The following ZFAND4 variants were observed in gnomAD, a reference collection of about 807,000 sequenced individuals.
The protein encoded by ZFAND4 is AN1-type zinc finger protein 4.
In ZFAND4, 43 loss-of-function variants were observed where a neutral mutation model predicts 64.4. The ratio of observed to expected loss-of-function variants is 0.67; its 90% CI spans 0.52 to 0.86. The LOEUF (loss-of-function observed/expected upper bound fraction) is 0.86. Among genes scored for constraint, ZFAND4 ranks in the 40% least tolerant of loss-of-function variants. The probability of loss-of-function intolerance (pLI) is 0.00; values close to 1 mark genes in which losing one functional copy is unlikely to be tolerated. For missense variants in ZFAND4, 929 were observed against 859.8 expected (o/e 1.08, Z -1.01); for synonymous variants, 296 against 305.7 (o/e 0.97, Z 0.33).
At position 45,672,518 on chromosome 10, in the gene ZFAND4, C is replaced by CTT. The variant is rs1254479702; in HGVS notation, c.-387_-386insAA. ...CGGCGTCAGGCCGCAAGGCGAGGGG[C>CTT]GGGGACAGGACTCTACCCGGCAGCC... On this transcript the variant is annotated 5_prime_UTR_variant, in exon 1 of 10. Transcript: ENST00000344646. 1.3e-5 allele frequency: 2 copies of CTT among 152,282 alleles called. No individual in the cohort carries two copies. Among genetic ancestry groups the CTT allele is most frequent in the Non-Finnish European group, 2.9e-5 (2 of 68,126 alleles). The allele number at this position is 152,282 out of a possible 1,614,324, so 9.4% of individuals were successfully genotyped here. A position where few individuals can be genotyped will look rare whatever the true frequency, so the allele number is the denominator to read the frequency against.
chr10:45,618,725 C>A (rs2045191259), intron 8 of ZFAND4, among the ~76,000 whole-genome samples: 1 of 152,168 alleles, frequency 6.6e-6, no homozygotes. Flanking sequence ...GTTCATCAAA[C>A]CATGAGCAAG....
intron 9 of ZFAND4, 96 bp from the exon 10 acceptor site, chr10:45,616,667 G>C: frequency 7.6e-7 from 1 of 1,308,974 alleles, no homozygotes. Flanking sequence ...GTCCAACAGG[G>C]GCCCTTTGGT....
chr10:45,636,934 G>A (rs936114028), intron 6 of ZFAND4, among the ~76,000 whole-genome samples: 5 of 150,802 alleles, frequency 3.3e-5, no homozygotes, highest in African/African-American at 4.9e-5. Flanking sequence ...ATTATTAAGT[G>A]CATAAACATT....
Position 45,626,758 on chromosome 10 carries a change from A to G in ZFAND4, c.1065T>C (p.Ser355=). 1.2e-6 allele frequency: 2 copies of G among 1,614,184 alleles called. No individual in the cohort carries two copies. The highest frequency in any genetic ancestry group is 1.7e-6 in the Non-Finnish European group (2 of 1,179,982). Residue 355 remains serine (S), a synonymous_variant, in exon 7 of 10, where the codon TCT becomes TCC. Transcript: ENST00000344646. The part of the protein sequence containing the change: ...ELGNDQELAD[S]VLHLGSSLPR... ...GCAGGGATGATCCAAGATGGAGAAC[A>G]GAGTCAGCAAGCTCCTGGTCATTTC... is the stretch of plus-strand genomic sequence containing the variant.
At chr10:45,667,295 A>G (rs1287353189) in intron 1 of ZFAND4, among the ~76,000 whole-genome samples, 1 of 152,072 alleles carries the variant, frequency 6.6e-6, no homozygotes, top group Non-Finnish European at 1.5e-5. Context: ...ACCGATTTTA[A>G]TATCTTGATC....
chr10:45,650,630 CTT>C (rs1044695075), intron 4 of ZFAND4: 5 of 152,018 alleles, frequency 3.3e-5, no homozygotes, highest in African/African-American at 1.2e-4. Context: ...TGATTAAACA[CTT>C]TGGTTTAAAG....
At chr10:45,617,591 G>GA (rs11362238) in intron 9 of ZFAND4, among the ~76,000 whole-genome samples, 8,592 of 70,912 alleles carry the variant, frequency 0.12, 797 homozygotes, top group Admixed American at 0.2. Flanking sequence ...TTACAGTACT[G>GA]AAAAAAAAAA....
intron 6 of ZFAND4, among the ~76,000 whole-genome samples, chr10:45,630,633 G>C (rs1011340351): frequency 3.3e-5 from 5 of 152,036 alleles, no homozygotes; most frequent in African/African-American, 1.2e-4. Context: ...GCTGAGGCAG[G>C]AGAATTGGCA....
chr10:45,641,809 T>C (rs1251474627), intron 5 of ZFAND4, among the ~76,000 whole-genome samples: 1 of 152,250 alleles, frequency 6.6e-6, no homozygotes, highest in African/African-American at 2.4e-5. Flanking sequence ...TTATAGCTGA[T>C]TTTATTAATG....
At position 45,662,463 on chromosome 10, in the gene ZFAND4, G is replaced by A. The variant is rs184430082; in HGVS notation, c.184+1079C>T. 526 of 350,038 alleles carry A rather than the reference G, an allele frequency of 1.5e-3. 15 individuals are homozygous for A. In the Admixed American group the frequency reaches 0.029, roughly 19 times the overall value. The allele number at this position is 350,038 out of a possible 1,614,324, so 21.7% of individuals were successfully genotyped here. ...TCATGAAAGAGATAAAAAGTACAGA[G>A]ATTATTTACAACGCAAGATTTCACC... On this transcript the variant is annotated intron_variant, in intron 2 of 9. Transcript: ENST00000344646.
At chr10:45,624,147 A>G (rs942594155) in intron 8 of ZFAND4, among the ~76,000 whole-genome samples, 8 of 152,156 alleles carry the variant, frequency 5.3e-5, no homozygotes. Flanking sequence ...GGCCCTACAG[A>G]CTGTCCCTTT....
intron 8 of ZFAND4, among the ~76,000 whole-genome samples, chr10:45,621,819 T>C (rs531045325): frequency 6.6e-6 from 1 of 152,066 alleles, no homozygotes; most frequent in South Asian, 2.1e-4. Flanking sequence ...TATAACAATG[T>C]GATAGCCTAG....
intron 8 of ZFAND4, among the ~76,000 whole-genome samples, chr10:45,622,043 C>T (rs1233200195): frequency 1.3e-5 from 2 of 152,118 alleles, no homozygotes; most frequent in Admixed American, 1.3e-4. Context: ...CCAAGAAGAT[C>T]AGTTGTGCGT....
At chr10:45,625,238 C>G (rs1197392966) in intron 7 of ZFAND4, among the ~76,000 whole-genome samples, 17 of 150,722 alleles carry the variant, frequency 1.1e-4, no homozygotes, top group Non-Finnish European at 2.2e-4. Context: ...TTTGGGAGGC[C>G]CAGGCGGGTG....
At chr10:45,635,971 C>T (rs2046570119) in intron 6 of ZFAND4, among the ~76,000 whole-genome samples, 1 of 151,990 alleles carries the variant, frequency 6.6e-6, no homozygotes, top group South Asian at 2.1e-4. Flanking sequence ...TTCTTTCAAC[C>T]TTACTGTATA....
chr10:45,640,032 G>C, intron 5 of ZFAND4, 69 bp from the exon 6 acceptor site: 2 of 1,498,004 alleles, frequency 1.3e-6, no homozygotes, highest in Non-Finnish European at 1.8e-6. Flanking sequence ...TGCTCTATAT[G>C]AAACAGCAAT....
intron 5 of ZFAND4, among the ~76,000 whole-genome samples, chr10:45,646,194 A>G (rs1382271386): frequency 6.6e-6 from 1 of 152,168 alleles, no homozygotes; most frequent in Non-Finnish European, 1.5e-5. Flanking sequence ...TTAGTCTTAT[A>G]TTTTGAACTT....
chr10:45,642,646 G>A (rs1226043725), intron 5 of ZFAND4, among the ~76,000 whole-genome samples: 4 of 148,704 alleles, frequency 2.7e-5, no homozygotes, highest in Non-Finnish European at 5.9e-5. Context: ...ATAAATCACT[G>A]GACTCATTTT....
intron 1 of ZFAND4, among the ~76,000 whole-genome samples, chr10:45,671,069 A>G (rs2049153264): frequency 6.6e-6 from 1 of 152,246 alleles, no homozygotes; most frequent in Non-Finnish European, 1.5e-5. Context: ...GCCAACAGAC[A>G]CATGAAAAAA....
Sources: allele counts gnomAD v4.1 joint callset (sites outside exome capture counted in the v4.1 genomes callset), GRCh38; gene constraint gnomAD v4.1.1; transcripts MANE v1.5; gene names NCBI Gene and HGNC (gene_info 2026-07-23, HGNC 2026-07-21).